RANBP2: variants seen among roughly 807,000 people sequenced by gnomAD.
The protein encoded by RANBP2 is E3 SUMO-protein ligase RanBP2.
RANBP2 carries 57 observed loss-of-function variants against 303.6 expected under a neutral mutation model. The ratio of observed to expected loss-of-function variants is 0.19; its 90% CI spans 0.15 to 0.23. The LOEUF is 0.23. RANBP2 is among the 10% of genes least tolerant of loss of function. The pLI, the probability that RANBP2 is intolerant of heterozygous loss-of-function variation, is 1.00. For missense variants in RANBP2, 3,138 were observed against 3,780.8 expected (o/e 0.83, Z 4.46); for synonymous variants, 1,167 against 1,301.5 (o/e 0.90, Z 2.23).
At chr2:109,336,435 A>G in the RANBP2 span, among the ~76,000 whole-genome samples, 9 of 152,240 alleles carry the variant, frequency 5.9e-5, no homozygotes, top group Non-Finnish European at 8.8e-5. Context: ...GGAAGCTGCC[A>G]CCAATAAGTT....
Position 108,781,279 on chromosome 2 carries a change from C to T in RANBP2, c.8610C>T (p.Phe2870=). ...DFAFGSKDKN[F]QWANTGAAVF... ...TGATTTATTCATCAGATAAAAATTT[C>T]CAATGGGCAAATACTGGAGCAGCTG... Residue 2870 remains phenylalanine, a synonymous_variant, in exon 26 of 29, where the codon TTC becomes TTT. Coordinates refer to ENST00000283195, the MANE Select transcript of RANBP2 (RefSeq NM_006267.5). 1 of 1,614,040 alleles carries T rather than the reference C, an allele frequency of 6.2e-7. No individual in the cohort carries two copies. Among genetic ancestry groups the T allele is most frequent in the Admixed American group, 1.7e-5 (1 of 60,004 alleles).
the RANBP2 span, among the ~76,000 whole-genome samples, chr2:109,601,402 A>G: frequency 6.6e-6 from 1 of 152,246 alleles, no homozygotes; most frequent in South Asian, 2.1e-4. Flanking sequence ...CCATTTCATT[A>G]TATATTCATC....
chr2:108,938,204 C>G, the RANBP2 span, among the ~76,000 whole-genome samples: 1 of 152,178 alleles, frequency 6.6e-6, no homozygotes, highest in Non-Finnish European at 1.5e-5. Flanking sequence ...TTTGACTCAA[C>G]TTTTTCCGCT....
At chr2:109,469,612 C>G in the RANBP2 span, among the ~76,000 whole-genome samples, 31 of 152,206 alleles carry the variant, frequency 2.0e-4, no homozygotes, top group African/African-American at 7.5e-4. Context: ...GGAGCTGGGC[C>G]CCAGTGGCTC....
the RANBP2 span, chr2:109,564,566 C>A: frequency 6.9e-7 from 1 of 1,445,098 alleles, no homozygotes; most frequent in Non-Finnish European, 9.2e-7. Context: ...AAGAACAACA[C>A]TGGATTTTAA....
the RANBP2 span, among the ~76,000 whole-genome samples, chr2:109,217,168 A>G: frequency 3.9e-5 from 6 of 152,190 alleles, no homozygotes; most frequent in African/African-American, 1.4e-4. Flanking sequence ...TTGTTTATTC[A>G]TTCGTCTGCT....
chr2:108,805,683 T>C, the RANBP2 span, among the ~76,000 whole-genome samples: 4 of 151,844 alleles, frequency 2.6e-5, no homozygotes, highest in South Asian at 4.2e-4. Flanking sequence ...GCCGAGATTG[T>C]GCCACTGCAC....
At chr2:109,432,297 G>A in the RANBP2 span, among the ~76,000 whole-genome samples, 3 of 152,172 alleles carry the variant, frequency 2.0e-5, no homozygotes, top group Admixed American at 1.3e-4. Context: ...GCAGCTCCCC[G>A]AAGGCTCCCT....
chr2:108,794,545 T>C, the RANBP2 span: 1 of 1,595,648 alleles, frequency 6.3e-7, no homozygotes, highest in Non-Finnish European at 8.5e-7. Context: ...TGCAGTTGCC[T>C]TGCCAACTAA....
At chr2:109,344,388 GC>G in the RANBP2 span, among the ~76,000 whole-genome samples, 2 of 152,188 alleles carry the variant, frequency 1.3e-5, no homozygotes, top group Non-Finnish European at 2.9e-5. Flanking sequence ...TGTCTGCAAA[GC>G]CCTGCATGTT....
At chr2:109,086,180 A>G in the RANBP2 span, among the ~76,000 whole-genome samples, 7 of 152,084 alleles carry the variant, frequency 4.6e-5, no homozygotes, top group East Asian at 1.9e-4. Flanking sequence ...TCATCCATCA[A>G]TGGACACTTG....
At chr2:109,547,052 A>G in the RANBP2 span, among the ~76,000 whole-genome samples, 2 of 152,176 alleles carry the variant, frequency 1.3e-5, no homozygotes, top group Non-Finnish European at 2.9e-5. Context: ...AAAGGTATCC[A>G]GCCCCCTTCC....
chr2:109,473,786 C>T, the RANBP2 span, among the ~76,000 whole-genome samples: 1 of 132,932 alleles, frequency 7.5e-6, no homozygotes, highest in South Asian at 2.6e-4. Context: ...GCCTGAGAGG[C>T]CTCTGAGCCC....
chr2:109,524,469 A>AAAAAAAAAAAC, the RANBP2 span, among the ~76,000 whole-genome samples: 48 of 80,854 alleles, frequency 5.9e-4, 1 homozygote, highest in African/African-American at 2.1e-3. Context: ...AAAAAAAACA[A>AAAAAAAAAAAC]AACAACACTG....
chr2:109,062,164 A>C, the RANBP2 span, among the ~76,000 whole-genome samples: 7 of 152,224 alleles, frequency 4.6e-5, no homozygotes, highest in African/African-American at 1.4e-4. Flanking sequence ...GATAAAAGTT[A>C]TCAGGCAAGG....
the RANBP2 span, among the ~76,000 whole-genome samples, chr2:109,486,087 T>G: frequency 6.6e-6 from 1 of 152,224 alleles, no homozygotes; most frequent in African/African-American, 2.4e-5. Context: ...ACTGAGTAGG[T>G]GTTAGTAACC....
the RANBP2 span, among the ~76,000 whole-genome samples, chr2:108,880,419 C>G: frequency 2.6e-5 from 4 of 152,176 alleles, no homozygotes; most frequent in Admixed American, 6.5e-5. Context: ...AACTAACTTT[C>G]TCCCATGAAT....
At chr2:109,481,405 G>GTGTATAC in the RANBP2 span, among the ~76,000 whole-genome samples, 1 of 152,156 alleles carries the variant, frequency 6.6e-6, no homozygotes, top group African/African-American at 2.4e-5. Context: ...CCTGCCCACA[G>GTGTATAC]GCCAGAGACT....
the RANBP2 span, among the ~76,000 whole-genome samples, chr2:108,966,181 C>T: frequency 6.6e-6 from 1 of 152,148 alleles, no homozygotes; most frequent in Non-Finnish European, 1.5e-5. Flanking sequence ...TTTTATTGCC[C>T]CTGTCATCTT....
Sources: gnomAD v4.1 joint callset for allele counts (sites outside exome capture counted in the v4.1 genomes callset) on GRCh38, gnomAD v4.1.1 for gene constraint, MANE v1.5 for transcripts, NCBI Gene and HGNC (gene_info 2026-07-23, HGNC 2026-07-21) for gene names.